The following ARHGAP24 variants were observed in gnomAD, a reference collection of about 807,000 sequenced individuals.
ARHGAP24 encodes the protein Rho GTPase activating protein 24.
Under a neutral mutation model 76.4 loss-of-function variants are expected in ARHGAP24, and 50 were observed. That is an observed-to-expected ratio of 0.65 (90% confidence interval 0.52 to 0.83). ARHGAP24 has a LOEUF of 0.83. Among genes scored for constraint, ARHGAP24 ranks in the 40% least tolerant of loss-of-function variants. ARHGAP24 has a pLI of 0.00. For missense variants in ARHGAP24, 930 were observed against 914.2 expected (o/e 1.02, Z -0.22); for synonymous variants, 345 against 323.3 (o/e 1.07, Z -0.72).
chr4:85,532,558 A>G (rs1296336525), intron 1 of ARHGAP24, among the ~76,000 whole-genome samples: 1 of 152,206 alleles, frequency 6.6e-6, no homozygotes, highest in Non-Finnish European at 1.5e-5. Flanking sequence ...TTGACCATAC[A>G]GAATTTAATC....
intron 3 of ARHGAP24, among the ~76,000 whole-genome samples, chr4:85,789,351 C>T (rs1231562016): frequency 2.0e-5 from 3 of 151,580 alleles, no homozygotes; most frequent in Admixed American, 2.0e-4. Context: ...CAATACTAAA[C>T]AGATCAGGCA....
At chr4:85,698,325 G>A in intron 2 of ARHGAP24, among the ~76,000 whole-genome samples, 1 of 152,050 alleles carries the variant, frequency 6.6e-6, no homozygotes, top group East Asian at 1.9e-4. Flanking sequence ...GGGAGCTGGG[G>A]GACTAAGTGT....
At chr4:85,583,746 G>GA (rs1214920764) in intron 2 of ARHGAP24, among the ~76,000 whole-genome samples, 3,363 of 122,724 alleles carry the variant, frequency 0.027, 113 homozygotes, top group African/African-American at 0.083. Context: ...AAATTTACAA[G>GA]AAAAAAAAAA....
intron 2 of ARHGAP24, among the ~76,000 whole-genome samples, chr4:85,671,637 C>CTT (rs1722818688): frequency 6.6e-6 from 1 of 152,106 alleles, no homozygotes; most frequent in South Asian, 2.1e-4. Context: ...TAAGAATATG[C>CTT]TTCTTTTTCT....
chr4:85,715,876 ATTAATATTTAT>A (rs1245613032), intron 2 of ARHGAP24, among the ~76,000 whole-genome samples: 3 of 152,058 alleles, frequency 2.0e-5, no homozygotes, highest in Non-Finnish European at 4.4e-5. Context: ...ATGTTGTTTA[ATTAATATTTAT>A]TTAATAAATT....
intron 1 of ARHGAP24, among the ~76,000 whole-genome samples, chr4:85,485,963 T>A (rs1723034904): frequency 6.6e-6 from 1 of 152,136 alleles, no homozygotes; most frequent in African/African-American, 2.4e-5. Context: ...GGTCTTGAAC[T>A]CCTCACCTCA....
intron 3 of ARHGAP24, among the ~76,000 whole-genome samples, chr4:85,870,065 AG>A (rs1732437180): frequency 6.6e-6 from 1 of 152,204 alleles, no homozygotes; most frequent in African/African-American, 2.4e-5. Flanking sequence ...GGATTAATTG[AG>A]TTAATGCATA....
chr4:85,589,977 T>C lies in ARHGAP24; in HGVS notation c.180+19256T>C, dbSNP rs372765314. On this transcript the variant is annotated intron_variant, in intron 2 of 9. Coordinates refer to ENST00000395184, the MANE Select transcript of ARHGAP24 (RefSeq NM_001025616.3). ...TTTTGTTTGACTAATTACTAATATG[T>C]GCATTTTGCATGTTAATTTAGATTA... 7.2e-5 allele frequency among the ~76,000 whole-genome samples: 11 copies of C among 152,370 alleles called. No individual in the cohort carries two copies. In the East Asian group the frequency reaches 1.5e-3, roughly 21 times the overall value.
intron 1 of ARHGAP24, among the ~76,000 whole-genome samples, chr4:85,487,707 ATTAT>A (rs1401726100): frequency 9.5e-6 from 1 of 105,788 alleles, no homozygotes; most frequent in East Asian, 2.5e-4. Context: ...TATTTATTAT[ATTAT>A]ATAAATATAT....
chr4:85,768,861 G>C (rs990363944), intron 3 of ARHGAP24, among the ~76,000 whole-genome samples: 6 of 152,030 alleles, frequency 3.9e-5, no homozygotes, highest in Non-Finnish European at 7.4e-5. Context: ...AGGGTCTCCT[G>C]CTGGACCTAA....
At chr4:85,914,228 T>A (rs1190188128) in intron 3 of ARHGAP24, among the ~76,000 whole-genome samples, 2 of 152,222 alleles carry the variant, frequency 1.3e-5, no homozygotes, top group Non-Finnish European at 2.9e-5. Flanking sequence ...AAGACATGAA[T>A]ACAAGCTAAT....
chr4:85,864,173 A>G (rs1020005059), intron 3 of ARHGAP24, among the ~76,000 whole-genome samples: 13 of 152,058 alleles, frequency 8.5e-5, no homozygotes, highest in Non-Finnish European at 1.5e-4. Context: ...GGCATTCACC[A>G]GTGGAAGCTC....
At chr4:85,736,883 A>C (rs1725626191) in intron 3 of ARHGAP24, among the ~76,000 whole-genome samples, 1 of 152,194 alleles carries the variant, frequency 6.6e-6, no homozygotes, top group Admixed American at 6.5e-5. Flanking sequence ...AAATTAGTAT[A>C]AACTATCCCA....
intron 2 of ARHGAP24, among the ~76,000 whole-genome samples, chr4:85,676,980 C>T (rs903010543): frequency 6.6e-6 from 1 of 152,132 alleles, no homozygotes; most frequent in Non-Finnish European, 1.5e-5. Flanking sequence ...CCTGAGGCTA[C>T]CAGAAGGGAG....
chr4:85,666,649 A>G (rs1230372898), intron 2 of ARHGAP24, among the ~76,000 whole-genome samples: 1 of 152,044 alleles, frequency 6.6e-6, no homozygotes, highest in Non-Finnish European at 1.5e-5. Flanking sequence ...GTCTTTGATG[A>G]TGGTGATGTA....
At chr4:85,835,885 C>T (rs1209770178) in intron 3 of ARHGAP24, among the ~76,000 whole-genome samples, 1 of 152,040 alleles carries the variant, frequency 6.6e-6, no homozygotes. Flanking sequence ...AGGGTTTCAC[C>T]ATGTTGGCCA....
intron 8 of ARHGAP24, chr4:85,992,169 A>T (rs996839733): frequency 7.5e-6 from 3 of 397,650 alleles, no homozygotes; most frequent in African/African-American, 6.2e-5. Context: ...GCATTCTAAG[A>T]AGAAAATGAC....
intron 3 of ARHGAP24, among the ~76,000 whole-genome samples, chr4:85,850,520 A>G (rs1406939445): frequency 6.6e-6 from 1 of 151,842 alleles, no homozygotes; most frequent in Non-Finnish European, 1.5e-5. Flanking sequence ...CTTGCTTCTC[A>G]GTTCTTTTAA....
chr4:85,801,071 G>A (rs1728560362), intron 3 of ARHGAP24, among the ~76,000 whole-genome samples: 1 of 152,018 alleles, frequency 6.6e-6, no homozygotes, highest in Non-Finnish European at 1.5e-5. Context: ...AACTATGGAT[G>A]GTTATGTCTC....
Sources: allele counts gnomAD v4.1 joint callset (sites outside exome capture counted in the v4.1 genomes callset), GRCh38; gene constraint gnomAD v4.1.1; transcripts MANE v1.5; gene names NCBI Gene and HGNC (gene_info 2026-07-23, HGNC 2026-07-21).